The following LIPC variants were observed in gnomAD, a reference collection of about 807,000 sequenced individuals.
LIPC encodes lipase C, hepatic type.
In LIPC, 44 loss-of-function variants were observed where a neutral mutation model predicts 50.7. That is an observed-to-expected ratio of 0.87 (90% confidence interval 0.68 to 1.11). The LOEUF (loss-of-function observed/expected upper bound fraction) is 1.11, where lower values mean the gene tolerates loss of function less well. Ranked by LOEUF, LIPC falls within the 50% of genes most tolerant of loss-of-function variation. LIPC has a pLI of 0.00. For missense variants in LIPC, 697 were observed against 648.2 expected (o/e 1.08, Z -0.82); for synonymous variants, 271 against 256.4 (o/e 1.06, Z -0.54).
intron 1 of LIPC, among the ~76,000 whole-genome samples, chr15:58,434,223 G>A (rs778166122): frequency 6.6e-6 from 1 of 151,972 alleles, no homozygotes; most frequent in Non-Finnish European, 1.5e-5. Context: ...TGCAGAGGCT[G>A]AGAAACCATG....
At chr15:58,436,971 C>A (rs1323926273) in intron 1 of LIPC, 1 of 417,452 alleles carries the variant, frequency 2.4e-6, no homozygotes, top group African/African-American at 2.1e-5. Context: ...ACTTGTTAAA[C>A]TGCAACAAAC....
At chr15:58,568,649 G>C in intron 8 of LIPC, 67 bp from the exon 9 acceptor site, 2 of 912,606 alleles carry the variant, frequency 2.2e-6, no homozygotes, top group South Asian at 1.4e-5. Context: ...ATTTGATAAA[G>C]AATGAAACAC....
intron 1 of LIPC, among the ~76,000 whole-genome samples, chr15:58,516,237 C>CTTTTTTTTTTTT (rs11351202): frequency 1.1e-4 from 5 of 45,162 alleles, no homozygotes; most frequent in Non-Finnish European, 1.7e-4. Flanking sequence ...CCTCTAGCTT[C>CTTTTTTTTTTTT]TTTTTTTTTT....
rs867613586 is a variant in LIPC at position 58,493,680 on chromosome 15, C to T, written c.89-44653C>T. 1.3e-4 allele frequency among the ~76,000 whole-genome samples: 18 copies of T among 142,120 alleles called. 1 individual carries two copies. Among genetic ancestry groups the T allele is most frequent in the South Asian group, 4.4e-4 (2 of 4,506 alleles). 93.2% of individuals were successfully genotyped at this position (142,120 alleles called of 152,430 possible). On this transcript the variant is annotated intron_variant, in intron 1 of 8. Transcript: ENST00000299022. ...AATAAAATTTATACAAAATTTATTACGTATAAATAAAATTTATACAAAATT... is the reference window on the plus strand; with the variant it reads ...AATAAAATTTATACAAAATTTATTATGTATAAATAAAATTTATACAAAATT...
intron 6 of LIPC, among the ~76,000 whole-genome samples, chr15:58,554,264 A>T (rs57437914): frequency 3.1e-4 from 47 of 152,212 alleles, no homozygotes; most frequent in African/African-American, 1.1e-3. Context: ...TTCTGCTGTA[A>T]ATGGAGTTTC....
chr15:58,495,021 C>T, intron 1 of LIPC: 1 of 386,652 alleles, frequency 2.6e-6, no homozygotes, highest in South Asian at 2.0e-5. Flanking sequence ...TGCCCCCTTA[C>T]CCTGCCCTAA....
At chr15:58,459,322 A>G (rs1894250076) in intron 1 of LIPC, among the ~76,000 whole-genome samples, 1 of 152,140 alleles carries the variant, frequency 6.6e-6, no homozygotes, top group African/African-American at 2.4e-5. Flanking sequence ...GTGAGGGGCA[A>G]ACATTTGCTG....
chr15:58,480,003 G>C (rs1240443854), intron 1 of LIPC, among the ~76,000 whole-genome samples: 1 of 151,964 alleles, frequency 6.6e-6, no homozygotes, highest in East Asian at 1.9e-4. Flanking sequence ...CTGGCCCATA[G>C]AAGGCACACA....
At chr15:58,441,198 C>T (rs1427488791) in intron 1 of LIPC, among the ~76,000 whole-genome samples, 5 of 152,226 alleles carry the variant, frequency 3.3e-5, no homozygotes, top group African/African-American at 9.6e-5. Context: ...TCCTCCAAGA[C>T]AAGCCTCAAG....
intron 1 of LIPC, among the ~76,000 whole-genome samples, chr15:58,506,174 C>T (rs1214152259): frequency 6.6e-6 from 1 of 152,176 alleles, no homozygotes. Flanking sequence ...TTCCCAGTAC[C>T]GTGCTTCACA....
At chr15:58,486,314 C>G (rs186027398) in intron 1 of LIPC, among the ~76,000 whole-genome samples, 1 of 152,134 alleles carries the variant, frequency 6.6e-6, no homozygotes, top group African/African-American at 2.4e-5. Flanking sequence ...CTGGGCCTAA[C>G]GGATGTTCTG....
Position 58,514,387 on chromosome 15 carries a change from A to G in LIPC, c.89-23946A>G, listed in dbSNP as rs567948136. Among the ~76,000 whole-genome samples, 3 of 152,346 alleles carry G rather than the reference A, an allele frequency of 2.0e-5. No individual in the cohort carries two copies. In the South Asian group the frequency reaches 6.2e-4, roughly 32 times the overall value. ...AAGTAGTAGTAGTATTTGGTATTATAAGGAGTATTTTATATTATTTCAAAT... is the reference window on the plus strand; with the variant it reads ...AAGTAGTAGTAGTATTTGGTATTATGAGGAGTATTTTATATTATTTCAAAT... On this transcript the variant is annotated intron_variant, in intron 1 of 8. Coordinates refer to ENST00000299022, the MANE Select transcript of LIPC (RefSeq NM_000236.3).
intron 1 of LIPC, among the ~76,000 whole-genome samples, chr15:58,527,749 A>G (rs1324677856): frequency 2.0e-5 from 3 of 152,186 alleles, no homozygotes; most frequent in Non-Finnish European, 4.4e-5. Flanking sequence ...CCTGACACAT[A>G]GTAGGTGCTT....
chr15:58,463,632 CT>C (rs1360236242), intron 1 of LIPC, among the ~76,000 whole-genome samples: 1 of 152,212 alleles, frequency 6.6e-6, no homozygotes, highest in Non-Finnish European at 1.5e-5. Context: ...TCCATCAGGT[CT>C]TTTCTGTGTC....
intron 1 of LIPC, among the ~76,000 whole-genome samples, chr15:58,438,776 A>G (rs1481675252): frequency 1.3e-5 from 2 of 152,152 alleles, no homozygotes; most frequent in African/African-American, 2.4e-5. Flanking sequence ...GTTCCAGGAG[A>G]GGGTTTCTGG....
chr15:58,439,066 G>T (rs1454583432), intron 1 of LIPC, among the ~76,000 whole-genome samples: 1 of 152,206 alleles, frequency 6.6e-6, no homozygotes, highest in Non-Finnish European at 1.5e-5. Flanking sequence ...GCTCTCCAGT[G>T]GACTGGCAGT....
chr15:58,540,054 G>C (rs1165662814), intron 2 of LIPC, among the ~76,000 whole-genome samples: 1 of 152,112 alleles, frequency 6.6e-6, no homozygotes, highest in East Asian at 1.9e-4. Context: ...CTTCTCCCTG[G>C]GAAGGATTCT....
At chr15:58,508,438 G>A (rs1198482648) in intron 1 of LIPC, among the ~76,000 whole-genome samples, 2 of 152,106 alleles carry the variant, frequency 1.3e-5, no homozygotes, top group East Asian at 1.9e-4. Flanking sequence ...AGGATTCAGC[G>A]AGTCTTACTC....
chr15:58,566,486 T>C (rs1322017008), intron 8 of LIPC: 1 of 983,378 alleles, frequency 1.0e-6, no homozygotes, highest in African/African-American at 1.7e-5. Flanking sequence ...AACTACTAAT[T>C]TTTTAGTGCC....
Sources: allele counts gnomAD v4.1 joint callset (sites outside exome capture counted in the v4.1 genomes callset), GRCh38; gene constraint gnomAD v4.1.1; transcripts MANE v1.5; gene names NCBI Gene and HGNC (gene_info 2026-07-23, HGNC 2026-07-21).